Variants in SYT16 observed in about 807,000 individuals in gnomAD.
SYT16 encodes synaptotagmin-16.
Under a neutral mutation model 61.4 loss-of-function variants are expected in SYT16, and 42 were observed. The observed-to-expected ratio is 0.68, with a 90% confidence interval of 0.53 to 0.89. The LOEUF is 0.89. SYT16 is among the 40% of genes least tolerant of loss of function. The probability of loss-of-function intolerance (pLI) is 0.00; values close to 1 mark genes in which losing one functional copy is unlikely to be tolerated. For missense variants in SYT16, 804 were observed against 807.3 expected, an observed-to-expected ratio of 1.00 and a Z score of 0.05; for synonymous variants, 314 against 302.3, an observed-to-expected ratio of 1.04 and a Z score of -0.40.
chr14:61,830,400 T>C (rs935720691), intron 1 of SYT16, among the ~76,000 whole-genome samples: 1 of 152,248 alleles, frequency 6.6e-6, no homozygotes, highest in Non-Finnish European at 1.5e-5. Context: ...TTTTGTGGGC[T>C]GTGGCTTGAA....
Position 61,996,415 on chromosome 14 carries a change from G to A in SYT16, c.396G>A (p.Lys132=). Residue 132 remains lysine, a synonymous_variant, in exon 3 of 8, where the codon AAG becomes AAA. Transcript: ENST00000683842. The part of the protein sequence containing the change: ...QWPNWASDDR[K]LPHVLSSIAE... ...CCAATTGGGCCAGTGATGACCGCAA[G>A]TTACCACATGTGCTTTCTTCTATTG... 1.2e-6 allele frequency: 2 copies of A among 1,613,480 alleles called. No homozygotes were observed. The highest frequency in any genetic ancestry group is 1.7e-6 in the Non-Finnish European group (2 of 1,179,552).
chr14:62,051,933 G>GAGTGT (rs2055321381), intron 3 of SYT16, among the ~76,000 whole-genome samples: 1 of 152,200 alleles, frequency 6.6e-6, no homozygotes, highest in African/African-American at 2.4e-5. Context: ...TTGGGAGGCT[G>GAGTGT]AGTGTGGAGG....
chr14:62,097,153 T>C (rs549354397), intron 7 of SYT16, among the ~76,000 whole-genome samples: 3 of 152,274 alleles, frequency 2.0e-5, no homozygotes, highest in South Asian at 4.1e-4. Context: ...TTTTGTGCCA[T>C]AATAATTTGG....
chr14:61,828,785 T>C (rs1424960202), intron 1 of SYT16, among the ~76,000 whole-genome samples: 1 of 152,232 alleles, frequency 6.6e-6, no homozygotes, highest in Non-Finnish European at 1.5e-5. Flanking sequence ...AGTTTGTCCT[T>C]TGGCTGAGGG....
intron 3 of SYT16, among the ~76,000 whole-genome samples, chr14:62,030,411 G>T (rs952374861): frequency 1.3e-5 from 2 of 152,174 alleles, no homozygotes; most frequent in Non-Finnish European, 1.5e-5. Flanking sequence ...TCCTCTGTGT[G>T]GAAATCGTTC....
chr14:61,966,650 C>A (rs1480962597), intron 1 of SYT16, among the ~76,000 whole-genome samples: 1 of 152,118 alleles, frequency 6.6e-6, no homozygotes, highest in Non-Finnish European at 1.5e-5. Context: ...TAATGAGTTT[C>A]ATGCTGCTTT....
chr14:62,036,526 G>C (rs923629081), intron 3 of SYT16, among the ~76,000 whole-genome samples: 2 of 152,118 alleles, frequency 1.3e-5, no homozygotes, highest in African/African-American at 4.8e-5. Flanking sequence ...TTCTCGTGCG[G>C]CTAATAAAGA....
At chr14:61,897,115 G>A (rs1379945609) in intron 1 of SYT16, 1 of 152,218 alleles carries the variant, frequency 6.6e-6, no homozygotes, top group African/African-American at 2.4e-5. Context: ...TATAAATAAA[G>A]TTTTATTGGA....
chr14:62,050,434 G>T (rs564113116), intron 3 of SYT16, among the ~76,000 whole-genome samples: 1 of 151,984 alleles, frequency 6.6e-6, no homozygotes, highest in Non-Finnish European at 1.5e-5. Context: ...CCTTTAGCTC[G>T]GAGTAGTTTG....
intron 1 of SYT16, among the ~76,000 whole-genome samples, chr14:61,910,760 C>A (rs543956446): frequency 6.6e-6 from 1 of 152,094 alleles, no homozygotes; most frequent in Admixed American, 6.6e-5. Flanking sequence ...AACTCCTGAC[C>A]GCAAGTGATC....
At chr14:61,819,194 G>A (rs527410384) in intron 1 of SYT16, among the ~76,000 whole-genome samples, 2 of 152,286 alleles carry the variant, frequency 1.3e-5, no homozygotes, top group African/African-American at 4.8e-5. Flanking sequence ...CTTCTCCTGA[G>A]TATAGTAGAT....
In SYT16 at chr14:62,100,865, G is replaced by C; in HGVS notation, c.*158G>C. 1 of 681,868 alleles carries C rather than the reference G, an allele frequency of 1.5e-6. No individual in the cohort carries two copies. The highest frequency in any genetic ancestry group is 2.4e-6 in the Non-Finnish European group (1 of 413,928). 42.2% of individuals were successfully genotyped at this position (681,868 alleles called of 1,614,324 possible). ...GGAGTTTTGGGTTTCTCAATGGTCT[G>C]ATTTGGATTTAAATATTGTAATTTT... is the stretch of plus-strand genomic sequence containing the variant. On this transcript the variant is annotated 3_prime_UTR_variant, in exon 8 of 8. Transcript: ENST00000683842.
At chr14:62,092,303 C>T (rs1394777990) in intron 7 of SYT16, among the ~76,000 whole-genome samples, 1 of 151,454 alleles carries the variant, frequency 6.6e-6, no homozygotes, top group African/African-American at 2.4e-5. Context: ...TGGTACAGCT[C>T]CTATGGAAAA....
At chr14:61,833,524 T>C (rs1339377824) in intron 1 of SYT16, among the ~76,000 whole-genome samples, 1 of 151,768 alleles carries the variant, frequency 6.6e-6, no homozygotes, top group Non-Finnish European at 1.5e-5. Flanking sequence ...ACTTCTGACC[T>C]CAGGTGATCT....
chr14:62,085,328 T>G (rs1326396692), intron 7 of SYT16, among the ~76,000 whole-genome samples: 1 of 152,248 alleles, frequency 6.6e-6, no homozygotes, highest in Non-Finnish European at 1.5e-5. Context: ...GGACTTAATT[T>G]GGATCTGGAA....
At chr14:61,834,791 A>G (rs772754131) in intron 1 of SYT16, among the ~76,000 whole-genome samples, 21 of 152,136 alleles carry the variant, frequency 1.4e-4, no homozygotes, top group Non-Finnish European at 2.8e-4. Flanking sequence ...TTGTACTGGT[A>G]TATAAATACT....
intron 1 of SYT16, among the ~76,000 whole-genome samples, chr14:61,960,051 C>T (rs759019162): frequency 9.2e-5 from 14 of 152,104 alleles, no homozygotes; most frequent in Non-Finnish European, 1.8e-4. Context: ...AGGCTGGTCT[C>T]GAACTCTTGT....
chr14:62,095,249 C>T (rs958550419), intron 7 of SYT16, among the ~76,000 whole-genome samples: 1 of 151,786 alleles, frequency 6.6e-6, no homozygotes, highest in Non-Finnish European at 1.5e-5. Context: ...TAAGGATTCC[C>T]ACCAGTAGTT....
intron 1 of SYT16, among the ~76,000 whole-genome samples, chr14:61,863,194 C>T (rs1413457425): frequency 6.6e-6 from 1 of 152,176 alleles, no homozygotes; most frequent in African/African-American, 2.4e-5. Flanking sequence ...TAAGAAACTT[C>T]CAAACCGTCT....
Sources: gnomAD v4.1 joint callset for allele counts (sites outside exome capture counted in the v4.1 genomes callset) on GRCh38, gnomAD v4.1.1 for gene constraint, MANE v1.5 for transcripts, NCBI Gene and HGNC (gene_info 2026-07-23, HGNC 2026-07-21) for gene names.